The following RBM47 variants were observed in gnomAD, a reference collection of about 807,000 sequenced individuals.
RBM47 encodes the protein RNA binding motif protein 47.
A neutral mutation model predicts 47.1 loss-of-function variants in RBM47; 21 were observed. That is an observed-to-expected ratio of 0.45 (90% confidence interval 0.32 to 0.64). The LOEUF (loss-of-function observed/expected upper bound fraction) is 0.64, where lower values mean the gene tolerates loss of function less well. Among genes scored for constraint, RBM47 ranks in the 30% least tolerant of loss-of-function variants. RBM47 has a pLI of 0.05. For synonymous variants in RBM47, 375 were observed against 361.7 expected, an observed-to-expected ratio of 1.04 and a Z score of -0.42; for missense variants, 708 against 870.9, an observed-to-expected ratio of 0.81 and a Z score of 2.35.
intron 2 of RBM47, among the ~76,000 whole-genome samples, chr4:40,483,572 G>A (rs1720703631): frequency 6.6e-6 from 1 of 152,102 alleles, no homozygotes; most frequent in Non-Finnish European, 1.5e-5. Flanking sequence ...GGCTCACGCC[G>A]GTAATCCCAG....
chr4:40,464,511 T>C (rs1717663304), intron 3 of RBM47, among the ~76,000 whole-genome samples: 1 of 152,138 alleles, frequency 6.6e-6, no homozygotes, highest in Admixed American at 6.6e-5. Context: ...CAAAATATCA[T>C]ACTGTATGCC....
At chr4:40,574,269 A>G (rs1732081669) in intron 1 of RBM47, among the ~76,000 whole-genome samples, 1 of 152,238 alleles carries the variant, frequency 6.6e-6, no homozygotes, top group Non-Finnish European at 1.5e-5. Flanking sequence ...TAAAACTAGT[A>G]CCATGAGAAG....
chr4:40,517,116 C>T (rs115913645), intron 2 of RBM47, among the ~76,000 whole-genome samples: 3,855 of 140,848 alleles, frequency 0.027, 137 homozygotes, highest in African/African-American at 0.084. Context: ...TCCCCACCTT[C>T]CTTCCTTCCC....
chr4:40,495,832 G>A (rs532802403), intron 2 of RBM47, among the ~76,000 whole-genome samples: 4 of 34,356 alleles, frequency 1.2e-4, no homozygotes, highest in Middle Eastern at 0.015. Context: ...CACATTGTGC[G>A]CGCTCTCTCT....
At chr4:40,517,066 T>A (rs1452695121) in intron 2 of RBM47, among the ~76,000 whole-genome samples, 1 of 152,082 alleles carries the variant, frequency 6.6e-6, no homozygotes, top group Non-Finnish European at 1.5e-5. Context: ...CACTCTGCAT[T>A]AGGGTATTTG....
chr4:40,423,671 T>G lies in RBM47; in HGVS notation c.*2233A>C, dbSNP rs916267548. On this transcript the variant is annotated 3_prime_UTR_variant, in exon 7 of 7. Coordinates refer to ENST00000295971, the MANE Select transcript of RBM47 (RefSeq NM_001098634.2). ...CTTTCTTTTTCTTTCTTTCTTTCTT[T>G]CTTTCTTTCTTTCTTTCTTTCTTTC... 1 of 107,470 alleles carries G rather than the reference T, an allele frequency of 9.3e-6. No individual in the cohort carries two copies. The highest frequency in any genetic ancestry group is 3.4e-4 in the East Asian group (1 of 2,914). The allele number at this position is 107,470 out of a possible 1,614,324, so 6.7% of individuals were successfully genotyped here.
At chr4:40,595,250 C>A (rs1260411240) in intron 1 of RBM47, among the ~76,000 whole-genome samples, 2 of 152,184 alleles carry the variant, frequency 1.3e-5, no homozygotes, top group Non-Finnish European at 2.9e-5. Flanking sequence ...ATTCCCAGCA[C>A]TTTGGGAGGC....
intron 1 of RBM47, among the ~76,000 whole-genome samples, chr4:40,591,134 T>C (rs2340879): frequency 0.27 from 41,060 of 151,700 alleles, 6,009 homozygotes; most frequent in Admixed American, 0.35. Flanking sequence ...AAATCTAGAA[T>C]AGGTAAATCC....
chr4:40,526,569 TG>T (rs1401038987), intron 2 of RBM47, among the ~76,000 whole-genome samples: 2 of 151,986 alleles, frequency 1.3e-5, no homozygotes, highest in Non-Finnish European at 2.9e-5. Flanking sequence ...TTTTTGTTTT[TG>T]GGGTTTTTGT....
chr4:40,488,530 A>G (rs1401288738), intron 2 of RBM47, among the ~76,000 whole-genome samples: 1 of 152,166 alleles, frequency 6.6e-6, no homozygotes, highest in Non-Finnish European at 1.5e-5. Context: ...TGGATGATCA[A>G]ATAAGCAAGG....
At chr4:40,506,089 T>C (rs1724069000) in intron 2 of RBM47, among the ~76,000 whole-genome samples, 1 of 152,204 alleles carries the variant, frequency 6.6e-6, no homozygotes, top group South Asian at 2.1e-4. Context: ...CAAATTGCTC[T>C]AATACTCTTA....
At chr4:40,535,370 TC>T (rs1307040175) in intron 2 of RBM47, among the ~76,000 whole-genome samples, 39 of 135,104 alleles carry the variant, frequency 2.9e-4, no homozygotes, top group African/African-American at 1.2e-3. Flanking sequence ...GTATGGTATT[TC>T]TTTTTTTTTT....
At chr4:40,529,872 A>ATAAATAAATAAG (rs1553896960) in intron 2 of RBM47, among the ~76,000 whole-genome samples, 17 of 146,804 alleles carry the variant, frequency 1.2e-4, no homozygotes, top group African/African-American at 4.0e-4. Context: ...AAATAAATAA[A>ATAAATAAATAAG]TAAATATTAA....
intron 1 of RBM47, among the ~76,000 whole-genome samples, chr4:40,614,243 A>G (rs543105579): frequency 3.2e-4 from 48 of 151,760 alleles, no homozygotes; most frequent in African/African-American, 1.0e-3. Context: ...CATCCACCCA[A>G]CCCCCATCTT....
rs181013883 is a variant in RBM47, at chr4:40,448,130, A to G, written c.-31-9206T>C. 3.8e-3 allele frequency among the ~76,000 whole-genome samples: 574 copies of G among 152,352 alleles called. 1 individual carries two copies. The highest frequency in any genetic ancestry group is 5.7e-3 in the Non-Finnish European group (389 of 68,032). On this transcript the variant is annotated intron_variant, in intron 3 of 6. Coordinates refer to ENST00000295971, the MANE Select transcript of RBM47 (RefSeq NM_001098634.2). ...AGAATTGCTTGAACCCGGGAGGCAGAGGTTGCAGTGAGCCGAGACTGCGCC... is the reference window on the plus strand; with the variant it reads ...AGAATTGCTTGAACCCGGGAGGCAGGGGTTGCAGTGAGCCGAGACTGCGCC...
At chr4:40,511,742 G>A (rs1724957130) in intron 2 of RBM47, among the ~76,000 whole-genome samples, 1 of 152,042 alleles carries the variant, frequency 6.6e-6, no homozygotes, top group East Asian at 1.9e-4. Context: ...GATCAGTTGA[G>A]GTCAGGAGAT....
At chr4:40,457,484 CAG>C (rs771218447) in intron 3 of RBM47, among the ~76,000 whole-genome samples, 30 of 151,896 alleles carry the variant, frequency 2.0e-4, no homozygotes, top group Admixed American at 3.9e-4. Flanking sequence ...GCTGTTTACT[CAG>C]GGTGGAATGT....
chr4:40,597,211 G>A (rs1258883340), intron 1 of RBM47, among the ~76,000 whole-genome samples: 2 of 151,830 alleles, frequency 1.3e-5, no homozygotes, highest in Non-Finnish European at 2.9e-5. Context: ...AGTGAGCCGA[G>A]ATCGTGCCAC....
intron 2 of RBM47, among the ~76,000 whole-genome samples, chr4:40,523,398 C>T (rs1726393851): frequency 6.6e-6 from 1 of 152,150 alleles, no homozygotes; most frequent in African/African-American, 2.4e-5. Context: ...CGCCTATAAT[C>T]CCAGCACTTT....
Sources: allele counts gnomAD v4.1 joint callset (sites outside exome capture counted in the v4.1 genomes callset), GRCh38; gene constraint gnomAD v4.1.1; transcripts MANE v1.5; gene names NCBI Gene and HGNC (gene_info 2026-07-23, HGNC 2026-07-21).